Variants in IGF2R observed in about 807,000 individuals in gnomAD.
The protein encoded by IGF2R is insulin like growth factor 2 receptor, also known as cation-independent mannose-6-phosphate receptor.
Under a neutral mutation model 270.6 loss-of-function variants are expected in IGF2R, and 91 were observed. The ratio of observed to expected loss-of-function variants is 0.34; its 90% CI spans 0.28 to 0.40. IGF2R has a LOEUF of 0.40. IGF2R is among the 10% of genes least tolerant of loss of function. IGF2R has a pLI of 1.00. For synonymous variants in IGF2R, 1,316 were observed against 1,258.9 expected (o/e 1.05, Z -0.96); for missense variants, 2,805 against 3,188.3 (o/e 0.88, Z 2.90).
intron 30 of IGF2R, among the ~76,000 whole-genome samples, chr6:160,069,341 C>T (rs1454861035): frequency 6.6e-6 from 1 of 152,116 alleles, no homozygotes; most frequent in East Asian, 1.9e-4. Flanking sequence ...AAGGTGGTTC[C>T]ATCCTCTGTG....
At chr6:160,072,597 A>G (rs1022662484) in intron 32 of IGF2R, among the ~76,000 whole-genome samples, 168 bp from the exon 33 acceptor site, 4 of 152,336 alleles carry the variant, frequency 2.6e-5, no homozygotes, top group Middle Eastern at 3.4e-3. Context: ...AGGGACTGAC[A>G]GTCTCATGAT....
At chr6:160,062,263 C>T (rs935314395) in intron 25 of IGF2R, among the ~76,000 whole-genome samples, 11 of 150,518 alleles carry the variant, frequency 7.3e-5, no homozygotes, top group African/African-American at 2.7e-4. Flanking sequence ...AACCTCCGCC[C>T]CCCAGGTTCA....
intron 1 of IGF2R, among the ~76,000 whole-genome samples, chr6:159,981,976 A>G (rs886206218): frequency 6.6e-6 from 1 of 152,178 alleles, no homozygotes; most frequent in Non-Finnish European, 1.5e-5. Context: ...TCGGCCCTGT[A>G]TCTTTGTCCA....
chr6:160,062,064 C>G (rs900371734), intron 25 of IGF2R, 136 bp downstream of exon 25: 2 of 740,396 alleles, frequency 2.7e-6, no homozygotes, highest in African/African-American at 3.5e-5. Flanking sequence ...TAGGGTTTGA[C>G]GAGAATGCAC....
Position 160,024,706 on chromosome 6 carries a change from T to A in IGF2R, c.646+2T>A, listed in dbSNP as rs1777517534. ...TCATCAATGTTTGTAGAGACATAGG[T>A]ATGAATCTTTGTGGGGCTGAGGGGG... On this transcript the variant is annotated splice_donor_variant, in intron 5 of 47. Coordinates refer to ENST00000356956, the MANE Select transcript of IGF2R (RefSeq NM_000876.4). LOFTEE classifies it high-confidence loss of function. The A allele has an allele frequency of 6.2e-7, 1 of 1,613,900 alleles. No homozygotes were observed. The highest frequency in any genetic ancestry group is 1.3e-5 in the African/African-American group (1 of 74,926).
At chr6:160,099,093 C>T (rs1326256078) in intron 45 of IGF2R, among the ~76,000 whole-genome samples, 1 of 152,176 alleles carries the variant, frequency 6.6e-6, no homozygotes, top group Non-Finnish European at 1.5e-5. Context: ...ATGGAAGGGG[C>T]AGGCTATGTG....
At position 159,986,282 on chromosome 6, in the gene IGF2R, A is replaced by C. The variant is rs1299592522; in HGVS notation, c.150-4902A>C. Among the ~76,000 whole-genome samples the C allele has an allele frequency of 2.0e-5, 3 of 146,664 alleles. No homozygotes were observed. In the Admixed American group the frequency reaches 2.1e-4, roughly 10 times the overall value. On this transcript the variant is annotated intron_variant, in intron 1 of 47. Coordinates refer to ENST00000356956, the MANE Select transcript of IGF2R (RefSeq NM_000876.4). ...AGTCTCACTCTGTCACCCAGTCTGG[A>C]GTGCAGTGGTGCGATCTCGGCTCAC... is the stretch of plus-strand genomic sequence containing the variant.
chr6:159,997,249 G>A (rs1330818302), intron 2 of IGF2R, among the ~76,000 whole-genome samples: 2 of 149,622 alleles, frequency 1.3e-5, no homozygotes, highest in Admixed American at 1.3e-4. Flanking sequence ...ACTCCCTGAG[G>A]GTAGATCTCT....
At chr6:160,081,057 C>T (rs936828999) in intron 39 of IGF2R, among the ~76,000 whole-genome samples, 3 of 149,900 alleles carry the variant, frequency 2.0e-5, no homozygotes, top group African/African-American at 4.9e-5. Flanking sequence ...ACCCGGGAGG[C>T]GGAGCTTGCA....
intron 4 of IGF2R, among the ~76,000 whole-genome samples, chr6:160,021,924 G>A (rs1011412462): frequency 4.6e-5 from 7 of 151,998 alleles, no homozygotes; most frequent in African/African-American, 9.7e-5. Flanking sequence ...AAAGAGATAC[G>A]TGCACTCGTC....
At chr6:160,030,253 C>A (rs1453551859) in intron 7 of IGF2R, among the ~76,000 whole-genome samples, 1 of 152,188 alleles carries the variant, frequency 6.6e-6, no homozygotes, top group Non-Finnish European at 1.5e-5. Flanking sequence ...GGGGCAGGTG[C>A]TGATGGAAAG....
At position 160,110,178 on chromosome 6, in the gene IGF2R, G is replaced by A. The variant is rs934857622; in HGVS notation, c.*5094G>A. ...CTAGACATTTGCCTGTGTTCCCTGG[G>A]GGAGCTGGTGGCCTGTGACCATCCA... On this transcript the variant is annotated 3_prime_UTR_variant, in exon 48 of 48. Coordinates refer to ENST00000356956, the MANE Select transcript of IGF2R (RefSeq NM_000876.4). The A allele has an allele frequency of 2.9e-4, 44 of 152,284 alleles. No individual in the cohort carries two copies. The highest frequency in any genetic ancestry group is 1.1e-3 in the African/African-American group (44 of 41,550). The allele number at this position is 152,284 out of a possible 1,614,324, so 9.4% of individuals were successfully genotyped here.
At chr6:160,065,814 G>GTGTGTGTATATATA in intron 29 of IGF2R, among the ~76,000 whole-genome samples, 131 of 78,332 alleles carry the variant, frequency 1.7e-3, no homozygotes, top group Middle Eastern at 6.3e-3. Context: ...GTGTGTGTGT[G>GTGTGTGTATATATA]TATATATATA....
chr6:160,013,993 T>C (rs1777210650), intron 4 of IGF2R, among the ~76,000 whole-genome samples: 1 of 152,252 alleles, frequency 6.6e-6, no homozygotes. Flanking sequence ...TAGTCTTGCT[T>C]TCTACATCTT....
At chr6:160,062,427 C>T in intron 25 of IGF2R, 105 bp from the exon 26 acceptor site, 2 of 821,564 alleles carry the variant, frequency 2.4e-6, no homozygotes, top group Non-Finnish European at 4.1e-6. Context: ...CCGTCTCGGC[C>T]TCCCAAAGTG....
At chr6:160,061,959 T>A in intron 25 of IGF2R, 31 bp downstream of exon 25, 7 of 1,597,890 alleles carry the variant, frequency 4.4e-6, no homozygotes, top group Non-Finnish European at 6.0e-6. Context: ...TGAGATGTTG[T>A]CCCCGGGTGA....
chr6:160,100,611 T>C (rs1156663073), intron 45 of IGF2R, among the ~76,000 whole-genome samples: 1 of 151,872 alleles, frequency 6.6e-6, no homozygotes, highest in South Asian at 2.1e-4. Flanking sequence ...TTAATAGACA[T>C]GCGCAGAACA....
At chr6:160,010,827 C>T (rs770680241) in intron 4 of IGF2R, 42 bp downstream of exon 4, 1 of 1,156,276 alleles carries the variant, frequency 8.6e-7, no homozygotes, top group African/African-American at 1.5e-5. Context: ...GAAGTATACT[C>T]TGGGGAACTT....
chr6:160,100,378 T>G (rs1023384621), intron 45 of IGF2R, among the ~76,000 whole-genome samples: 1 of 152,062 alleles, frequency 6.6e-6, no homozygotes, highest in Non-Finnish European at 1.5e-5. Flanking sequence ...AGAAAAATAT[T>G]AGGGATAAAG....
Sources: gnomAD v4.1 joint callset for allele counts (sites outside exome capture counted in the v4.1 genomes callset) on GRCh38, gnomAD v4.1.1 for gene constraint, MANE v1.5 for transcripts, NCBI Gene and HGNC (gene_info 2026-07-23, HGNC 2026-07-21) for gene names.